Variants in GBF1 observed in about 807,000 individuals in gnomAD.
GBF1 encodes golgi brefeldin A resistant guanine nucleotide exchange factor 1.
GBF1 carries 114 observed loss-of-function variants against 210.5 expected under a neutral mutation model. The ratio of observed to expected loss-of-function variants is 0.54; its 90% CI spans 0.47 to 0.63. The LOEUF is 0.63. GBF1 is among the 30% of genes least tolerant of loss of function. The pLI is 0.00. For synonymous variants in GBF1, 850 were observed against 889.2 expected (o/e 0.96, Z 0.78); for missense variants, 1,851 against 2,357.7 (o/e 0.79, Z 4.45).
intron 3 of GBF1, among the ~76,000 whole-genome samples, chr10:102,295,279 G>A (rs963475025): frequency 6.6e-6 from 1 of 152,164 alleles, no homozygotes; most frequent in African/African-American, 2.4e-5. Flanking sequence ...AAAAGAATAG[G>A]GAGTAGTATG....
At chr10:102,303,956 G>T (rs2077619937) in intron 3 of GBF1, among the ~76,000 whole-genome samples, 1 of 151,916 alleles carries the variant, frequency 6.6e-6, no homozygotes, top group African/African-American at 2.4e-5. Context: ...AAGTTTATTT[G>T]CTATGGTCAT....
At chr10:102,345,272 A>C (rs2058461437) in intron 4 of GBF1, among the ~76,000 whole-genome samples, 1 of 138,444 alleles carries the variant, frequency 7.2e-6, no homozygotes. Context: ...ACAGAGCGAG[A>C]CTCTGTCTCA....
Position 102,264,230 on chromosome 10 carries a change from C to T in GBF1, c.163+4114C>T, listed in dbSNP as rs534137810. Reference sequence around the variant, plus strand: ...TGGATTTGCCAGTTTTTTCTCAGGTCTCAGAACTGTGGAGGGAAGTCTCTG... The same window carrying T: ...TGGATTTGCCAGTTTTTTCTCAGGTTTCAGAACTGTGGAGGGAAGTCTCTG... On this transcript the variant is annotated intron_variant, in intron 3 of 39. Coordinates refer to ENST00000369983, the MANE Select transcript of GBF1 (RefSeq NM_001377137.1). Among the ~76,000 whole-genome samples, 10 of 152,212 alleles carry T rather than the reference C, an allele frequency of 6.6e-5. No individual in the cohort carries two copies. The South Asian group carries it at 2.1e-3, about 32-fold the overall frequency.
chr10:102,382,280 C>A lies in GBF1; in HGVS notation c.5527C>A (p.Pro1843Thr). 1 of 1,613,896 alleles carries A rather than the reference C, an allele frequency of 6.2e-7. No individual in the cohort carries two copies. Among genetic ancestry groups the A allele is most frequent in the East Asian group, 2.2e-5 (1 of 44,876 alleles). The change falls in exon 40 of 40, where the codon CCC (proline) becomes ACC (threonine). Residue 1843 changes from proline to threonine, a missense_variant. Physicochemically the swap from Pro to Thr is conservative, Grantham distance 38. Transcript: ENST00000369983. ...GCTCATCGAGGCCACCTCACCAGTG[C>A]CCCTCCTGGCCACACCCCGCCCCAC... Reference protein sequence around the residue: ...PALIEATSPVPLLATPRPTDP... With the variant: ...PALIEATSPVTLLATPRPTDP...
intron 3 of GBF1, among the ~76,000 whole-genome samples, chr10:102,270,947 G>A (rs564490378): frequency 2.0e-5 from 3 of 152,150 alleles, no homozygotes; most frequent in Non-Finnish European, 2.9e-5. Context: ...AGCAGCTCAA[G>A]CGATCCTCCT....
intron 21 of GBF1, 69 bp downstream of exon 21, chr10:102,367,629 T>C: frequency 2.1e-6 from 2 of 962,186 alleles, no homozygotes; most frequent in Admixed American, 1.7e-5. Flanking sequence ...TTCCCAGTTT[T>C]TAGAGTCATG....
In GBF1 at chr10:102,349,179, T is replaced by A. The variant is rs112910772; in HGVS notation, c.296-2077T>A. Among the ~76,000 whole-genome samples, 299 of 152,002 alleles carry A rather than the reference T, an allele frequency of 2.0e-3. 1 individual carries two copies. Among genetic ancestry groups the A allele is most frequent in the African/African-American group, 6.9e-3 (285 of 41,454 alleles). ...AAACAAAAAAAGAAAAAAAAAAGTTTAGGTTCTCAGCCATCCCCTGAGCTT... is the reference window on the plus strand; with the variant it reads ...AAACAAAAAAAGAAAAAAAAAAGTTAAGGTTCTCAGCCATCCCCTGAGCTT... On this transcript the variant is annotated intron_variant, in intron 4 of 39. Transcript: ENST00000369983.
chr10:102,369,105 A>G, intron 23 of GBF1, 106 bp from the exon 24 acceptor site: 2 of 837,318 alleles, frequency 2.4e-6, no homozygotes, highest in Non-Finnish European at 3.9e-6. Flanking sequence ...GGATTGAAGC[A>G]GAGCCAACAA....
rs1447417446 is a variant in GBF1 at position 102,365,514 on chromosome 10, C to T, written c.2224C>T (p.Arg742Ter). The T allele has an allele frequency of 3.7e-6, 6 of 1,614,040 alleles. No homozygotes were observed. Among genetic ancestry groups the T allele is most frequent in the Admixed American group, 1.7e-5 (1 of 60,004 alleles). ...MDNTEVAQWL[R>*]ENPRLDKKMI... ...CAACACAGAGGTTGCTCAGTGGCTC[C>T]GAGAGAACCCTCGGCTGGACAAGAA... Residue 742 changes from arginine (R) to a stop codon, truncating the protein, a stop_gained, in exon 18 of 40, where the codon CGA (arginine) becomes TGA (stop). Coordinates refer to ENST00000369983, the MANE Select transcript of GBF1 (RefSeq NM_001377137.1). LOFTEE classifies it high-confidence loss of function.
intron 3 of GBF1, among the ~76,000 whole-genome samples, chr10:102,261,089 A>C (rs1184585218): frequency 6.6e-6 from 1 of 152,190 alleles, no homozygotes; most frequent in Non-Finnish European, 1.5e-5. Context: ...GAGGAGTTTA[A>C]AGTGATTTAG....
At chr10:102,316,925 A>G (rs1456261299) in intron 3 of GBF1, among the ~76,000 whole-genome samples, 1 of 152,212 alleles carries the variant, frequency 6.6e-6, no homozygotes, top group African/African-American at 2.4e-5. Context: ...AATCCTATAA[A>G]TGCCATTTTA....
At chr10:102,272,305 A>C (rs1017169735) in intron 3 of GBF1, among the ~76,000 whole-genome samples, 2 of 152,088 alleles carry the variant, frequency 1.3e-5, no homozygotes, top group African/African-American at 4.8e-5. Context: ...GAGTTTCGCC[A>C]TGTTGGCCAG....
intron 8 of GBF1, among the ~76,000 whole-genome samples, chr10:102,354,346 C>T (rs1292443846): frequency 6.6e-6 from 1 of 152,132 alleles, no homozygotes; most frequent in Admixed American, 6.6e-5. Flanking sequence ...ACTGTTAAAT[C>T]GTGCGTTTGC....
intron 4 of GBF1, 42 bp from the exon 5 acceptor site, chr10:102,351,214 T>A: frequency 1.8e-6 from 2 of 1,089,412 alleles, no homozygotes; most frequent in South Asian, 1.2e-5. Context: ...TTTATCTCTC[T>A]CCTCTCCACA....
chr10:102,380,467 C>T, intron 37 of GBF1, 39 bp from the exon 38 acceptor site: 2 of 1,598,884 alleles, frequency 1.3e-6, no homozygotes, highest in South Asian at 1.1e-5. Context: ...TCCCCCCATG[C>T]CCTCTTTCCT....
At chr10:102,309,255 G>A (rs185438447) in intron 3 of GBF1, among the ~76,000 whole-genome samples, 1 of 152,358 alleles carries the variant, frequency 6.6e-6, no homozygotes, top group Admixed American at 6.5e-5. Flanking sequence ...TCAAACTCAT[G>A]TCTCAGAAAA....
In GBF1 at chr10:102,351,889, A is replaced by G. The variant is rs760894599; in HGVS notation, c.461A>G (p.Asn154Ser). The G allele has an allele frequency of 3.7e-6, 6 of 1,612,122 alleles. No homozygotes were observed. The highest frequency in any genetic ancestry group is 5.1e-6 in the Non-Finnish European group (6 of 1,178,312). ...ACCCCAGTGGGTGCCCACCTAACCA[A>G]TGAATCTGTGTGTGAGATTATGCAG... ...LLTPVGAHLTNESVCEIMQSC... is the reference protein window; with the variant it reads ...LLTPVGAHLTSESVCEIMQSC... Residue 154 changes from asparagine (N) to serine (S), a missense_variant, in exon 6 of 40, where the codon AAT (asparagine) becomes AGT (serine). Asn to Ser is a conservative substitution (Grantham distance 46). Transcript: ENST00000369983.
At chr10:102,325,894 C>T (rs1263456563) in intron 3 of GBF1, among the ~76,000 whole-genome samples, 2 of 152,176 alleles carry the variant, frequency 1.3e-5, no homozygotes, top group African/African-American at 4.8e-5. Flanking sequence ...AAGTGATCCA[C>T]CTGCCTCGGC....
chr10:102,237,888 C>CCT, the GBF1 span, among the ~76,000 whole-genome samples: 1 of 151,040 alleles, frequency 6.6e-6, no homozygotes, highest in Non-Finnish European at 1.5e-5. Context: ...TCCTCCCCCG[C>CCT]CCACCCCACT....
Sources: gnomAD v4.1 joint callset for allele counts (sites outside exome capture counted in the v4.1 genomes callset) on GRCh38, gnomAD v4.1.1 for gene constraint, MANE v1.5 for transcripts, NCBI Gene and HGNC (gene_info 2026-07-23, HGNC 2026-07-21) for gene names.